PAAF1: variants seen among roughly 807,000 people sequenced by gnomAD.
The protein encoded by PAAF1 is proteasomal ATPase associated factor 1.
Under a neutral mutation model 52.8 loss-of-function variants are expected in PAAF1, and 46 were observed. The observed-to-expected ratio is 0.87, with a 90% confidence interval of 0.69 to 1.11. PAAF1 has a LOEUF of 1.11. PAAF1 is among the 50% of genes most tolerant of loss of function. PAAF1 has a pLI of 0.00. For missense variants in PAAF1, 424 were observed against 477.4 expected (o/e 0.89, Z 1.04); for synonymous variants, 178 against 172.8 (o/e 1.03, Z -0.24).
chr11:73,906,097 A>G (rs576773996), intron 6 of PAAF1, among the ~76,000 whole-genome samples: 34 of 152,364 alleles, frequency 2.2e-4, no homozygotes, highest in African/African-American at 7.5e-4. Flanking sequence ...AATAAGAAAC[A>G]AGATGGCAGC....
intron 4 of PAAF1, among the ~76,000 whole-genome samples, chr11:73,897,129 G>T (rs1465365958): frequency 6.9e-6 from 1 of 145,010 alleles, no homozygotes; most frequent in East Asian, 2.1e-4. Flanking sequence ...CAGTAGGGGC[G>T]GCCGGGCAGA....
At chr11:73,926,350 A>G (rs3926010) in intron 11 of PAAF1, among the ~76,000 whole-genome samples, 36,262 of 152,074 alleles carry the variant, frequency 0.24, 5,034 homozygotes, top group African/African-American at 0.39. Flanking sequence ...GGCCTGCCTC[A>G]GCCTCCCAAA....
Position 73,878,511 on chromosome 11 carries a change from G to GA in PAAF1, c.48-267dup, listed in dbSNP as rs560492111. ...TCCTGATAAATAATTAAATAACCTT[G>GA]ATTTTTCAAAGTGAGCTCACTGTTG... On this transcript the variant is annotated intron_variant, in intron 1 of 11. Transcript: ENST00000310571. Among the ~76,000 whole-genome samples, 353 of 152,300 alleles carry GA rather than the reference G, an allele frequency of 2.3e-3. 1 individual carries two copies. The highest frequency in any genetic ancestry group is 8.1e-3 in the African/African-American group (338 of 41,562).
intron 4 of PAAF1, among the ~76,000 whole-genome samples, chr11:73,897,392 G>T (rs1428284492): frequency 6.6e-6 from 1 of 151,578 alleles, no homozygotes; most frequent in Admixed American, 6.6e-5. Context: ...CTCAGACGGG[G>T]TGGCTGCTGG....
At chr11:73,882,181 A>AT (rs1392478308) in intron 2 of PAAF1, among the ~76,000 whole-genome samples, 1 of 147,678 alleles carries the variant, frequency 6.8e-6, no homozygotes, top group Non-Finnish European at 1.5e-5. Context: ...GTGCCCCGCA[A>AT]TTTTTTGTAT....
At position 73,916,542 on chromosome 11, in the gene PAAF1, C is replaced by T. The variant is rs771049374; in HGVS notation, c.820-3C>T. The T allele has an allele frequency of 6.2e-6, 10 of 1,603,998 alleles. No homozygotes were observed. The highest frequency in any genetic ancestry group is 2.7e-5 in the African/African-American group (2 of 74,666). ...AGCATTTTTGCCTCCTACTTGTTCC[C>T]AGGTGTTCCTCTTTATTGGCTCAGA... On this transcript the variant is annotated splice_polypyrimidine_tract_variant and splice_region_variant and intron_variant, in intron 8 of 11. Transcript: ENST00000310571.
At chr11:73,897,966 T>C (rs3018335) in intron 4 of PAAF1, among the ~76,000 whole-genome samples, 58,194 of 151,858 alleles carry the variant, frequency 0.38, 12,758 homozygotes, top group African/African-American at 0.61. Context: ...GGATCACTCA[T>C]GGTTAGGAGC....
At chr11:73,887,725 A>G (rs1391997721) in intron 3 of PAAF1, among the ~76,000 whole-genome samples, 1 of 152,200 alleles carries the variant, frequency 6.6e-6, no homozygotes, top group Non-Finnish European at 1.5e-5. Context: ...GCCACATTAT[A>G]GAGATAAAAA....
chr11:73,922,920 T>TA (rs777872031), intron 10 of PAAF1, among the ~76,000 whole-genome samples: 5 of 151,370 alleles, frequency 3.3e-5, no homozygotes, highest in Non-Finnish European at 7.4e-5. Context: ...TGAAACAAAA[T>TA]AAAAAACAAA....
At chr11:73,922,031 G>A in intron 10 of PAAF1, 1 of 806,692 alleles carries the variant, frequency 1.2e-6, no homozygotes, top group Non-Finnish European at 2.1e-6. Context: ...AGTTTTTGAA[G>A]AAGACATTGG....
chr11:73,882,975 C>T (rs899054465), intron 2 of PAAF1, among the ~76,000 whole-genome samples: 2 of 152,108 alleles, frequency 1.3e-5, no homozygotes, highest in Non-Finnish European at 2.9e-5. Context: ...TTATGGCTTA[C>T]TGCAGCCTTG....
chr11:73,906,958 C>T (rs1949774789), intron 6 of PAAF1, among the ~76,000 whole-genome samples: 1 of 152,178 alleles, frequency 6.6e-6, no homozygotes, highest in East Asian at 1.9e-4. Context: ...AATACTAGCC[C>T]TGCCTGGATC....
At chr11:73,884,827 ATCCT>A (rs1455325061) in intron 2 of PAAF1, among the ~76,000 whole-genome samples, 4 of 151,048 alleles carry the variant, frequency 2.6e-5, no homozygotes, top group African/African-American at 9.7e-5. Flanking sequence ...TAATTGATGA[ATCCT>A]TCCTTCTTGT....
intron 4 of PAAF1, 115 bp downstream of exon 4, chr11:73,891,316 C>T: frequency 1.6e-6 from 1 of 630,738 alleles, no homozygotes. Flanking sequence ...ATTTACTTTG[C>T]ATTGTAAGAT....
At chr11:73,923,313 TTTA>T (rs1838743781) in intron 10 of PAAF1, among the ~76,000 whole-genome samples, 1 of 152,124 alleles carries the variant, frequency 6.6e-6, no homozygotes, top group Non-Finnish European at 1.5e-5. Flanking sequence ...TTTCCAGGTC[TTTA>T]TATATACAAA....
intron 4 of PAAF1, among the ~76,000 whole-genome samples, chr11:73,898,349 G>T (rs1249581646): frequency 6.6e-6 from 1 of 152,032 alleles, no homozygotes; most frequent in Non-Finnish European, 1.5e-5. Context: ...AATTAGGAGA[G>T]GTATCTTAAT....
intron 2 of PAAF1, among the ~76,000 whole-genome samples, chr11:73,884,362 T>A (rs1396384698): frequency 6.6e-6 from 1 of 151,980 alleles, no homozygotes; most frequent in Non-Finnish European, 1.5e-5. Flanking sequence ...AAAAAATAGC[T>A]GGGCATGGTG....
rs1844673492 is a variant in PAAF1, at chr11:73,905,876, G to A, written c.533-3523G>A. Among the ~76,000 whole-genome samples, 3 of 152,074 alleles carry A rather than the reference G, an allele frequency of 2.0e-5. No homozygotes were observed. In the South Asian group the frequency reaches 6.2e-4, roughly 31 times the overall value. On this transcript the variant is annotated intron_variant, in intron 6 of 11. Transcript: ENST00000310571. ...TGTATCACTTCCGTGGAACTCAGTAGCATTTTGAAATAGTGGTTGGAACTT... is the reference window on the plus strand; with the variant it reads ...TGTATCACTTCCGTGGAACTCAGTAACATTTTGAAATAGTGGTTGGAACTT...
intron 3 of PAAF1, 127 bp downstream of exon 3, chr11:73,887,584 C>T (rs777099387): frequency 1.7e-6 from 1 of 594,928 alleles, no homozygotes; most frequent in Non-Finnish European, 2.7e-6. Context: ...ATAGTTTTTG[C>T]TGTCTGTGAG....
Sources: gnomAD v4.1 joint callset for allele counts (sites outside exome capture counted in the v4.1 genomes callset) on GRCh38, gnomAD v4.1.1 for gene constraint, MANE v1.5 for transcripts, NCBI Gene and HGNC (gene_info 2026-07-23, HGNC 2026-07-21) for gene names.